The following DENND1B variants were observed in gnomAD, a reference collection of about 807,000 sequenced individuals.
DENND1B encodes the protein DENN domain containing 1B, also known as DENN domain-containing protein 1B.
DENND1B carries 59 observed loss-of-function variants against 90.1 expected under a neutral mutation model. The ratio of observed to expected loss-of-function variants is 0.65; its 90% CI spans 0.53 to 0.81. The LOEUF is 0.81. DENND1B is among the 40% of genes least tolerant of loss of function. The pLI, the probability that DENND1B is intolerant of heterozygous loss-of-function variation, is 0.00. For missense variants in DENND1B, 862 were observed against 912.6 expected (o/e 0.94, Z 0.71); for synonymous variants, 337 against 324.6 (o/e 1.04, Z -0.41).
At chr1:197,686,579 G>T (rs560431040) in intron 3 of DENND1B, among the ~76,000 whole-genome samples, 1 of 152,182 alleles carries the variant, frequency 6.6e-6, no homozygotes, top group East Asian at 1.9e-4. Context: ...TTTAACATGT[G>T]TTTATTAAGA....
chr1:197,600,057 T>A (rs1340430955), intron 13 of DENND1B, among the ~76,000 whole-genome samples: 4 of 151,818 alleles, frequency 2.6e-5, no homozygotes, highest in African/African-American at 9.7e-5. Flanking sequence ...CTCCTCTCCC[T>A]CTTCTTCCTC....
At chr1:197,570,243 A>T (rs1571914734) in intron 15 of DENND1B, among the ~76,000 whole-genome samples, 1 of 151,936 alleles carries the variant, frequency 6.6e-6, no homozygotes, top group East Asian at 1.9e-4. Flanking sequence ...AAAAAAAAAA[A>T]ATTTAAACCA....
At chr1:197,636,553 T>C (rs1300081851) in intron 10 of DENND1B, among the ~76,000 whole-genome samples, 1 of 152,182 alleles carries the variant, frequency 6.6e-6, no homozygotes, top group Non-Finnish European at 1.5e-5. Context: ...AATCCACATT[T>C]TCATCTGTCT....
chr1:197,697,100 A>C (rs77778722), intron 3 of DENND1B, among the ~76,000 whole-genome samples: 1 of 149,942 alleles, frequency 6.7e-6, no homozygotes, highest in African/African-American at 2.4e-5. Flanking sequence ...AAAAAAAAAA[A>C]GGAAAAGAAA....
At position 197,505,150 on chromosome 1, in the gene DENND1B, GT is replaced by G. The variant is rs1021108240; in HGVS notation, c.*5309del. 6.6e-6 allele frequency: 1 copy of G among 151,684 alleles called. No homozygotes were observed. The highest frequency in any genetic ancestry group is 2.4e-5 in the African/African-American group (1 of 41,352). 9.4% of individuals were successfully genotyped at this position (151,684 alleles called of 1,614,324 possible). On this transcript the variant is annotated 3_prime_UTR_variant, in exon 23 of 23. Transcript: ENST00000620048. The stretch of plus-strand genomic sequence containing the variant: ...ACTCAGGCAGTTCATATTAGTTGCT[GT>G]TTTAGGCACTGCTGTAAGTACTAAA...
intron 2 of DENND1B, among the ~76,000 whole-genome samples, chr1:197,751,953 G>A (rs1389509086): frequency 1.5e-5 from 2 of 133,972 alleles, no homozygotes; most frequent in African/African-American, 2.8e-5. Flanking sequence ...AGGAGGAGGA[G>A]GAAGGGGGGA....
chr1:197,617,635 G>C (rs777997956), intron 11 of DENND1B, 24 bp downstream of exon 11: 7 of 1,545,876 alleles, frequency 4.5e-6, no homozygotes, highest in Non-Finnish European at 6.2e-6. Context: ...TAAACTTAAA[G>C]GAGTCTGGCA....
intron 2 of DENND1B, among the ~76,000 whole-genome samples, chr1:197,745,507 T>C (rs1663632966): frequency 6.6e-6 from 1 of 151,698 alleles, no homozygotes; most frequent in South Asian, 2.1e-4. Context: ...TTAGAACACA[T>C]ACATTTATCA....
At chr1:197,529,296 A>G (rs548783883) in intron 20 of DENND1B, among the ~76,000 whole-genome samples, 1 of 145,922 alleles carries the variant, frequency 6.9e-6, no homozygotes, top group Non-Finnish European at 1.5e-5. Context: ...ATATATGTAT[A>G]TATGTGTATA....
intron 20 of DENND1B, among the ~76,000 whole-genome samples, chr1:197,526,313 C>A (rs536302464): frequency 1.1e-4 from 16 of 151,962 alleles, no homozygotes; most frequent in Non-Finnish European, 2.1e-4. Flanking sequence ...AGAAGAAAAT[C>A]AGCATTTCTT....
chr1:197,737,788 CA>C (rs1662843048), intron 2 of DENND1B, among the ~76,000 whole-genome samples: 1 of 119,300 alleles, frequency 8.4e-6, no homozygotes. Context: ...AATTCTGCTT[CA>C]AAAAAAGAAA....
chr1:197,537,900 C>CA (rs1558213881), intron 20 of DENND1B, among the ~76,000 whole-genome samples: 1 of 151,656 alleles, frequency 6.6e-6, no homozygotes, highest in Non-Finnish European at 1.5e-5. Flanking sequence ...GTTCTTCCCG[C>CA]AAAAAATGTT....
intron 19 of DENND1B, 36 bp downstream of exon 19, chr1:197,540,923 A>G (rs994900096): frequency 5.7e-6 from 9 of 1,578,590 alleles, no homozygotes; most frequent in Admixed American, 5.2e-5. Context: ...TAATACAAGA[A>G]TCAAGGTAAA....
intron 11 of DENND1B, among the ~76,000 whole-genome samples, chr1:197,617,260 AAGAGTATGCCCTGAC>A (rs1677735379): frequency 1.3e-5 from 2 of 151,140 alleles, no homozygotes; most frequent in South Asian, 4.1e-4. Context: ...TAAAGGTAAC[AAGAGTATGCCCTGAC>A]AGAGACAATG....
chr1:197,615,553 C>A (rs545429511), intron 11 of DENND1B, among the ~76,000 whole-genome samples: 1 of 150,894 alleles, frequency 6.6e-6, no homozygotes, highest in African/African-American at 2.4e-5. Flanking sequence ...AGTATTTAAT[C>A]AAAACTATGA....
chr1:197,638,703 G>T (rs998798208), intron 10 of DENND1B, among the ~76,000 whole-genome samples: 1 of 152,152 alleles, frequency 6.6e-6, no homozygotes, highest in African/African-American at 2.4e-5. Context: ...GAATACACGA[G>T]AATCTAATAT....
intron 1 of DENND1B, 80 bp from the exon 2 acceptor site, chr1:197,773,012 T>A: frequency 2.6e-6 from 3 of 1,172,462 alleles, no homozygotes; most frequent in Non-Finnish European, 3.7e-6. Flanking sequence ...ATTCTAAAAC[T>A]AATCTTGTTT....
chr1:197,633,897 AGTAG>A (rs1679552178), intron 10 of DENND1B, among the ~76,000 whole-genome samples: 1 of 152,172 alleles, frequency 6.6e-6, no homozygotes, highest in African/African-American at 2.4e-5. Flanking sequence ...GAGGCTTTAT[AGTAG>A]TCTGCTGCGA....
intron 10 of DENND1B, among the ~76,000 whole-genome samples, chr1:197,624,971 A>T (rs1678529564): frequency 6.6e-6 from 1 of 152,156 alleles, no homozygotes; most frequent in South Asian, 2.1e-4. Flanking sequence ...TAGAGAAAAA[A>T]GAATAAAAAG....
Sources: gnomAD v4.1 joint callset for allele counts (sites outside exome capture counted in the v4.1 genomes callset) on GRCh38, gnomAD v4.1.1 for gene constraint, MANE v1.5 for transcripts, NCBI Gene and HGNC (gene_info 2026-07-23, HGNC 2026-07-21) for gene names.